FRMD4B: variants seen among roughly 807,000 people sequenced by gnomAD.
FRMD4B encodes the protein FERM domain containing 4B, also known as FERM domain-containing protein 4B.
Under a neutral mutation model 141.5 loss-of-function variants are expected in FRMD4B, and 74 were observed. The observed-to-expected ratio is 0.52, with a 90% CI of 0.43 to 0.63. The LOEUF (loss-of-function observed/expected upper bound fraction) is 0.63, where lower values mean the gene tolerates loss of function less well. Among genes scored for constraint, FRMD4B ranks in the 30% least tolerant of loss-of-function variants. The pLI, the probability that FRMD4B is intolerant of heterozygous loss-of-function variation, is 0.00. For missense variants in FRMD4B, 1,366 were observed against 1,253.4 expected, an observed-to-expected ratio of 1.09 and a Z score of -1.36; for synonymous variants, 506 against 467.9, an observed-to-expected ratio of 1.08 and a Z score of -1.05.
At chr3:69,411,329 G>C (rs1704756439) in intron 2 of FRMD4B, among the ~76,000 whole-genome samples, 2 of 152,260 alleles carry the variant, frequency 1.3e-5, no homozygotes, top group Non-Finnish European at 2.9e-5. Flanking sequence ...ATTGTCCTGA[G>C]AGTATTTACA....
intron 7 of FRMD4B, among the ~76,000 whole-genome samples, chr3:69,235,708 A>T (rs1055519793): frequency 2.0e-5 from 3 of 152,080 alleles, no homozygotes; most frequent in Admixed American, 6.6e-5. Flanking sequence ...CTAAGGGACA[A>T]CAGCTCTTTC....
At chr3:69,240,689 C>T (rs902185181) in intron 7 of FRMD4B, among the ~76,000 whole-genome samples, 2 of 152,028 alleles carry the variant, frequency 1.3e-5, no homozygotes, top group African/African-American at 4.8e-5. Context: ...TGTGTCTTTC[C>T]TGATCACACA....
chr3:69,287,756 T>G lies in FRMD4B; in HGVS notation c.497A>C (p.His166Pro). The G allele has an allele frequency of 6.4e-7, 1 of 1,570,712 alleles. No individual in the cohort carries two copies. Among genetic ancestry groups the G allele is most frequent in the Non-Finnish European group, 8.8e-7 (1 of 1,141,628 alleles). Residue 166 changes from histidine to proline, a missense_variant, in exon 5 of 23, where the codon CAC becomes CCC. By Grantham distance (77) the His-to-Pro change is moderately conservative (BLOSUM62 -2). Transcript: ENST00000398540. Reference sequence around the variant, plus strand: ...CATGACAAACGGGGCACCTACCTTGTGCACACAGGCCTTTGCATTCAGGAA... The same window carrying G: ...CATGACAAACGGGGCACCTACCTTGGGCACACAGGCCTTTGCATTCAGGAA... ...LFFLNAKACV[H>P]KGQIEVESET...
intron 11 of FRMD4B, chr3:69,198,994 G>C: frequency 2.0e-6 from 1 of 490,658 alleles, no homozygotes; most frequent in Non-Finnish European, 3.7e-6. Flanking sequence ...ACCTCGGCCG[G>C]GCGCGGTGGC....
At chr3:69,435,140 A>T (rs1705239837) in intron 1 of FRMD4B, among the ~76,000 whole-genome samples, 1 of 152,208 alleles carries the variant, frequency 6.6e-6, no homozygotes, top group Non-Finnish European at 1.5e-5. Flanking sequence ...ATTCTGAGGT[A>T]CTATGAATTA....
At chr3:69,255,216 A>G (rs2093485461) in intron 5 of FRMD4B, among the ~76,000 whole-genome samples, 1 of 152,254 alleles carries the variant, frequency 6.6e-6, no homozygotes, top group South Asian at 2.1e-4. Flanking sequence ...ATAAACAGGT[A>G]TGATGTCTGT....
intron 1 of FRMD4B, among the ~76,000 whole-genome samples, chr3:69,330,557 G>A (rs543494348): frequency 1.4e-4 from 21 of 151,716 alleles, no homozygotes; most frequent in Middle Eastern, 3.4e-3. Flanking sequence ...ATGTTGGTCA[G>A]GCTGGTCTCG....
chr3:69,320,764 C>T (rs531933745), intron 1 of FRMD4B: 3 of 152,280 alleles, frequency 2.0e-5, no homozygotes, highest in African/African-American at 7.2e-5. Context: ...ATTTAAAAAA[C>T]GATCTCTTTG....
intron 5 of FRMD4B, among the ~76,000 whole-genome samples, chr3:69,269,778 C>G (rs2093585848): frequency 6.6e-6 from 1 of 151,998 alleles, no homozygotes; most frequent in Non-Finnish European, 1.5e-5. Context: ...CACCATCACA[C>G]CTGGCTAATT....
At position 69,351,718 on chromosome 3, in the gene FRMD4B, G is replaced by A. The variant is rs561127140; in HGVS notation, c.162+34110C>T. The stretch of plus-strand genomic sequence containing the variant: ...CAAAGGGTGGACAGAGCATAGATTC[G>A]GAACTCAGGAGATCCAGAATCCAGG... On this transcript the variant is annotated intron_variant, in intron 1 of 22. Transcript: ENST00000398540. Among the ~76,000 whole-genome samples the A allele has an allele frequency of 3.9e-5, 6 of 152,260 alleles. No homozygotes were observed. The South Asian group carries it at 8.3e-4, about 21-fold the overall frequency.
upstream of FRMD4B, among the ~76,000 whole-genome samples, chr3:69,387,905 C>T (rs1370478371): frequency 3.3e-5 from 5 of 151,856 alleles, no homozygotes; most frequent in Non-Finnish European, 5.9e-5. Context: ...CTCTATGTGC[C>T]ATCAGTATTA....
Position 69,218,346 on chromosome 3 carries a change from G to A in FRMD4B, c.765C>T (p.Tyr255=), listed in dbSNP as rs375247737. 5.8e-5 allele frequency: 88 copies of A among 1,506,104 alleles called. No individual in the cohort carries two copies. Among genetic ancestry groups the A allele is most frequent in the South Asian group, 6.9e-5 (6 of 86,500 alleles). 93.3% of individuals were successfully genotyped at this position (1,506,104 alleles called of 1,614,324 possible). ...CCTTTACTGCATAATAATGGACACC[G>A]TAAGTCGGTAGAGCTTCTACTATTT... ...YMKIVEALPT[Y]GVHYYAVKDK... Residue 255 remains tyrosine, a synonymous_variant, in exon 10 of 23, where the codon TAC becomes TAT. Coordinates refer to ENST00000398540, the MANE Select transcript of FRMD4B (RefSeq NM_015123.3).
chr3:69,507,492 T>C (rs961431373), intron 1 of FRMD4B, among the ~76,000 whole-genome samples: 1 of 152,224 alleles, frequency 6.6e-6, no homozygotes, highest in Non-Finnish European at 1.5e-5. Flanking sequence ...TCCATATATA[T>C]AAGGCTGTGT....
At chr3:69,359,713 C>G (rs570932181) in intron 1 of FRMD4B, among the ~76,000 whole-genome samples, 6 of 152,278 alleles carry the variant, frequency 3.9e-5, no homozygotes, top group African/African-American at 1.4e-4. Flanking sequence ...ATAGGGGTTT[C>G]CTTTCTGTCT....
chr3:69,234,115 G>A lies in FRMD4B; in HGVS notation c.582-9425C>T, dbSNP rs908466175. Among the ~76,000 whole-genome samples the A allele has an allele frequency of 5.3e-5, 8 of 151,894 alleles. No individual in the cohort carries two copies. The South Asian group carries it at 6.2e-4, about 12-fold the overall frequency. ...ACAAAAATTAGCTGGGCCTGGTGGC[G>A]CGTGCGTGTAGTCCCAGTTACTCAG... is the stretch of plus-strand genomic sequence containing the variant. On this transcript the variant is annotated intron_variant, in intron 7 of 22. Transcript: ENST00000398540.
At chr3:69,304,183 A>AC (rs1701312613) in intron 3 of FRMD4B, among the ~76,000 whole-genome samples, 1 of 150,564 alleles carries the variant, frequency 6.6e-6, no homozygotes, top group Non-Finnish European at 1.5e-5. Context: ...CTCAAAAAAA[A>AC]AAAAAAAAAA....
intron 5 of FRMD4B, among the ~76,000 whole-genome samples, chr3:69,275,933 T>C (rs2093615951): frequency 6.6e-6 from 1 of 152,198 alleles, no homozygotes; most frequent in Non-Finnish European, 1.5e-5. Flanking sequence ...TTTCTTCCTA[T>C]GAGTACATTT....
chr3:69,361,214 G>C (rs978993096), intron 1 of FRMD4B, among the ~76,000 whole-genome samples: 1 of 151,818 alleles, frequency 6.6e-6, no homozygotes, highest in Non-Finnish European at 1.5e-5. Flanking sequence ...GTGAGTGAGA[G>C]CCTCTTCAAG....
intron 21 of FRMD4B, among the ~76,000 whole-genome samples, chr3:69,179,617 A>G (rs2092684480): frequency 6.6e-6 from 1 of 152,198 alleles, no homozygotes; most frequent in Non-Finnish European, 1.5e-5. Context: ...AAGTACATGA[A>G]ACTTTTAAAG....
Sources: allele counts gnomAD v4.1 joint callset (sites outside exome capture counted in the v4.1 genomes callset), GRCh38; gene constraint gnomAD v4.1.1; transcripts MANE v1.5; gene names NCBI Gene and HGNC (gene_info 2026-07-23, HGNC 2026-07-21).